TRIM51G: variants seen among roughly 807,000 people sequenced by gnomAD.
TRIM51G encodes tripartite motif-containing protein 51G.
chr11:48,983,308 A>G, the TRIM51G span, among the ~76,000 whole-genome samples: 1 of 148,110 alleles, frequency 6.8e-6, no homozygotes, highest in African/African-American at 2.5e-5. Flanking sequence ...TTTGGAGAGC[A>G]TTCTTATTTC....
chr11:48,978,001 T>A, the TRIM51G span: 2 of 436,650 alleles, frequency 4.6e-6, no homozygotes, highest in Non-Finnish European at 9.2e-6. Flanking sequence ...GATGACTACA[T>A]GGGGTGGGGG....
the TRIM51G span, among the ~76,000 whole-genome samples, chr11:48,980,319 A>T: frequency 5.9e-5 from 9 of 152,094 alleles, no homozygotes; most frequent in African/African-American, 1.4e-4. Flanking sequence ...CTCCTTATAT[A>T]AAATACTAGT....
the TRIM51G span, among the ~76,000 whole-genome samples, chr11:48,980,597 C>A: frequency 1.3e-5 from 2 of 152,022 alleles, no homozygotes; most frequent in Non-Finnish European, 2.9e-5. Context: ...CACATGTGTC[C>A]AGAATTTATC....
the TRIM51G span, chr11:48,981,280 C>G: frequency 6.2e-7 from 1 of 1,604,458 alleles, no homozygotes; most frequent in Non-Finnish European, 8.5e-7. Flanking sequence ...AGAGGCATCA[C>G]TTACCCGGCG....
At chr11:48,975,775 T>C in the TRIM51G span, 3 of 1,564,270 alleles carry the variant, frequency 1.9e-6, no homozygotes, top group Non-Finnish European at 2.6e-6. Flanking sequence ...CTCTTTCCAA[T>C]AATTGTTACA....
chr11:48,981,068 G>A, the TRIM51G span: 4 of 801,992 alleles, frequency 5.0e-6, no homozygotes, highest in Admixed American at 2.3e-5. Context: ...TCTGATATAC[G>A]AAGGACCCAA....
chr11:48,982,369 T>C, the TRIM51G span, among the ~76,000 whole-genome samples: 121,122 of 152,036 alleles, frequency 0.8, 48,512 homozygotes, highest in Non-Finnish European at 0.81. Flanking sequence ...TATATATAAT[T>C]ATATTACTGT....
the TRIM51G span, chr11:48,975,523 G>T: frequency 2.2e-6 from 3 of 1,393,594 alleles, no homozygotes; most frequent in Non-Finnish European, 3.1e-6. Flanking sequence ...GCAAATGATA[G>T]GCCAGAGAGG....
At chr11:48,978,166 A>C in the TRIM51G span, 63 of 531,628 alleles carry the variant, frequency 1.2e-4, 1 homozygote, top group African/African-American at 1.0e-3. Context: ...AAAGACTGTA[A>C]AAAAAATAGA....
chr11:48,981,409 T>G, the TRIM51G span: 3 of 1,607,940 alleles, frequency 1.9e-6, no homozygotes, highest in East Asian at 4.5e-5. Context: ...TGTCTCTCTG[T>G]GCGTCCCACA....
At chr11:48,979,814 TA>T in the TRIM51G span, among the ~76,000 whole-genome samples, 1 of 146,624 alleles carries the variant, frequency 6.8e-6, no homozygotes, top group Non-Finnish European at 1.5e-5. Context: ...TATATATATA[TA>T]ATATATATAC....
the TRIM51G span, chr11:48,975,593 AG>A: frequency 7.2e-7 from 1 of 1,386,128 alleles, no homozygotes. Context: ...ACATCAACAA[AG>A]CTCACGGTCC....
the TRIM51G span, among the ~76,000 whole-genome samples, chr11:48,983,727 A>G: frequency 6.6e-6 from 1 of 151,966 alleles, no homozygotes; most frequent in Non-Finnish European, 1.5e-5. Flanking sequence ...TCTCCATATA[A>G]GTTGCACTCA....
chr11:48,978,526 C>T, the TRIM51G span, among the ~76,000 whole-genome samples: 37,354 of 151,998 alleles, frequency 0.25, 5,435 homozygotes, highest in African/African-American at 0.41. Context: ...CTCCATCATG[C>T]CATGTCTCCA....
chr11:48,979,767 T>C, the TRIM51G span, among the ~76,000 whole-genome samples: 3 of 148,578 alleles, frequency 2.0e-5, no homozygotes, highest in East Asian at 3.9e-4. Flanking sequence ...TATATACATG[T>C]ATCTGTGTGT....
the TRIM51G span, among the ~76,000 whole-genome samples, chr11:48,982,243 T>C: frequency 1.3e-5 from 2 of 152,134 alleles, no homozygotes; most frequent in Non-Finnish European, 2.9e-5. Context: ...CTAGGCTCAC[T>C]AGGAGATAAA....
the TRIM51G span, among the ~76,000 whole-genome samples, chr11:48,976,292 T>G: frequency 6.6e-6 from 1 of 152,146 alleles, no homozygotes; most frequent in African/African-American, 2.4e-5. Flanking sequence ...AAATATTATA[T>G]GCCCTGAATG....
chr11:48,983,645 TTAAG>T, the TRIM51G span, among the ~76,000 whole-genome samples: 4 of 151,716 alleles, frequency 2.6e-5, no homozygotes, highest in Non-Finnish European at 4.4e-5. Flanking sequence ...AATAAGATCA[TTAAG>T]TAAGTTTAGA....
the TRIM51G span, chr11:48,979,059 T>C: frequency 1.0e-5 from 9 of 872,254 alleles, no homozygotes; most frequent in East Asian, 2.4e-5. Flanking sequence ...AACCATCTTA[T>C]GATATTCAGC....
Sources: allele counts gnomAD v4.1 joint callset (sites outside exome capture counted in the v4.1 genomes callset), GRCh38; gene constraint gnomAD v4.1.1; transcripts MANE v1.5; gene names NCBI Gene and HGNC (gene_info 2026-07-23, HGNC 2026-07-21).